Variants in ADAMTS19 observed in about 807,000 individuals in gnomAD.
ADAMTS19 encodes A disintegrin and metalloproteinase with thrombospondin motifs 19.
A neutral mutation model predicts 153.3 loss-of-function variants in ADAMTS19; 93 were observed. That is an observed-to-expected ratio of 0.61 (90% CI 0.51 to 0.72). ADAMTS19 has a LOEUF of 0.72. Among genes scored for constraint, ADAMTS19 ranks in the 30% least tolerant of loss-of-function variants. ADAMTS19 has a pLI of 0.00. For missense variants in ADAMTS19, 1,482 were observed against 1,552.1 expected, an observed-to-expected ratio of 0.95 and a Z score of 0.76; for synonymous variants, 600 against 556.6, an observed-to-expected ratio of 1.08 and a Z score of -1.10.
chr5:129,528,675 A>C lies in ADAMTS19; in HGVS notation c.1326A>C (p.Thr442=). 1 of 1,582,234 alleles carries C rather than the reference A, an allele frequency of 6.3e-7. No individual in the cohort carries two copies. The highest frequency in any genetic ancestry group is 8.6e-7 in the Non-Finnish European group (1 of 1,166,894). ...MTSVDAAILI[T]RKDFCVHKDE... is the part of the protein sequence containing the mutation. ...CAGTGGATGCAGCTATACTTATAACAAGGTAAATTTTCCAATGCCAATTAA... is the reference window on the plus strand; with the variant it reads ...CAGTGGATGCAGCTATACTTATAACCAGGTAAATTTTCCAATGCCAATTAA... The change falls in exon 6 of 23, where the codon ACA becomes ACC. Residue 442 remains threonine, a splice_region_variant and synonymous_variant. Coordinates refer to ENST00000274487, the MANE Select transcript of ADAMTS19 (RefSeq NM_133638.6).
At chr5:129,599,033 A>G (rs1199888169) in intron 8 of ADAMTS19, among the ~76,000 whole-genome samples, 2 of 152,110 alleles carry the variant, frequency 1.3e-5, no homozygotes, top group African/African-American at 4.8e-5. Flanking sequence ...ATGCTCCCAT[A>G]CAAGCTTTCA....
intron 8 of ADAMTS19, among the ~76,000 whole-genome samples, chr5:129,617,946 T>C (rs772117748): frequency 6.6e-6 from 1 of 152,014 alleles, no homozygotes; most frequent in Non-Finnish European, 1.5e-5. Context: ...ATTTCCCCAG[T>C]ATAGAGGATC....
chr5:129,641,887 A>G lies in ADAMTS19; in HGVS notation c.1799A>G (p.Lys600Arg). The change falls in exon 11 of 23, where the codon AAG (lysine) becomes AGG (arginine). Residue 600 changes from lysine to arginine, a missense_variant. This residue lies in a region of ADAMTS19 where 866 missense variants were observed against 827.7 expected (regional missense o/e 1.05). Coordinates refer to ENST00000274487, the MANE Select transcript of ADAMTS19 (RefSeq NM_133638.6). ...QHVICTGLWC[K>R]VEGEKECRTK... ...GTTATTTGCACAGGATTATGGTGCA[A>G]GGTAGAAGGTGAGAAAGAATGCAGA... is the stretch of plus-strand genomic sequence containing the variant. 1.2e-6 allele frequency: 2 copies of G among 1,602,326 alleles called. No individual in the cohort carries two copies. The highest frequency in any genetic ancestry group is 1.7e-6 in the Non-Finnish European group (2 of 1,172,984).
intron 2 of ADAMTS19, among the ~76,000 whole-genome samples, chr5:129,492,527 GTGTGTA>G (rs1172938953): frequency 2.0e-5 from 3 of 151,770 alleles, no homozygotes; most frequent in African/African-American, 7.3e-5. Flanking sequence ...GTGTGTGTGT[GTGTGTA>G]TGTGTATATA....
chr5:129,534,795 G>A (rs1752353863), intron 6 of ADAMTS19, among the ~76,000 whole-genome samples: 1 of 152,070 alleles, frequency 6.6e-6, no homozygotes, highest in Non-Finnish European at 1.5e-5. Flanking sequence ...ACGTAATCCA[G>A]CATATAAACA....
chr5:129,618,294 A>G (rs1341489731), intron 8 of ADAMTS19, among the ~76,000 whole-genome samples: 1 of 152,028 alleles, frequency 6.6e-6, no homozygotes, highest in Admixed American at 6.6e-5. Flanking sequence ...ATGTGTTGCT[A>G]CAGACTCTAT....
At chr5:129,647,214 G>GGAAAAAA (rs1753102840) in intron 11 of ADAMTS19, among the ~76,000 whole-genome samples, 1 of 102,312 alleles carries the variant, frequency 9.8e-6, no homozygotes, top group African/African-American at 3.5e-5. Context: ...AATTCTTTCA[G>GGAAAAAA]AAAAAAAAAA....
chr5:129,466,239 G>C (rs1276633590), intron 2 of ADAMTS19, among the ~76,000 whole-genome samples: 1 of 152,102 alleles, frequency 6.6e-6, no homozygotes. Flanking sequence ...AACTCAAGGA[G>C]AGCTGAGTAA....
chr5:129,470,057 T>C (rs1003239141), intron 2 of ADAMTS19, among the ~76,000 whole-genome samples: 2 of 152,242 alleles, frequency 1.3e-5, no homozygotes, highest in African/African-American at 4.8e-5. Context: ...TATATTAACC[T>C]ATGTCTTCAT....
intron 21 of ADAMTS19, among the ~76,000 whole-genome samples, chr5:129,705,843 T>C (rs947041007): frequency 6.6e-6 from 1 of 152,222 alleles, no homozygotes; most frequent in Non-Finnish European, 1.5e-5. Context: ...CCTCTTTGCA[T>C]AGATGGGTAA....
chr5:129,680,244 T>C (rs1229551498), intron 17 of ADAMTS19, among the ~76,000 whole-genome samples: 1 of 152,162 alleles, frequency 6.6e-6, no homozygotes, highest in Non-Finnish European at 1.5e-5. Flanking sequence ...GAGAGTACTA[T>C]AATATTGCAT....
At chr5:129,468,500 C>T (rs1360756837) in intron 2 of ADAMTS19, among the ~76,000 whole-genome samples, 2 of 151,882 alleles carry the variant, frequency 1.3e-5, no homozygotes, top group African/African-American at 4.8e-5. Flanking sequence ...ACTACAGGCG[C>T]GCACCACCAC....
intron 6 of ADAMTS19, among the ~76,000 whole-genome samples, chr5:129,533,885 T>C (rs1040495076): frequency 3.9e-5 from 6 of 152,182 alleles, no homozygotes; most frequent in African/African-American, 1.4e-4. Flanking sequence ...GTTGTTCAGT[T>C]TCCATGTAGT....
intron 3 of ADAMTS19, among the ~76,000 whole-genome samples, chr5:129,518,628 A>T (rs1751691226): frequency 6.6e-6 from 1 of 151,956 alleles, no homozygotes; most frequent in Admixed American, 6.6e-5. Context: ...CCTTATCCTT[A>T]ACATTTGAGA....
rs376716320 is a variant in ADAMTS19, at chr5:129,631,337, T to A, written c.1770+8989T>A. 1.7e-4 allele frequency among the ~76,000 whole-genome samples: 26 copies of A among 151,780 alleles called. No individual in the cohort carries two copies. In the East Asian group the frequency reaches 3.1e-3, roughly 18 times the overall value. Reference sequence around the variant, plus strand: ...TTGACAGAATGCATTTCCACAGTTGTCAGTGTTTCATAAATATTAATTAGG... The same window carrying A: ...TTGACAGAATGCATTTCCACAGTTGACAGTGTTTCATAAATATTAATTAGG... On this transcript the variant is annotated intron_variant, in intron 10 of 22. Transcript: ENST00000274487.
At chr5:129,568,253 C>G (rs911100131) in intron 7 of ADAMTS19, among the ~76,000 whole-genome samples, 5 of 151,952 alleles carry the variant, frequency 3.3e-5, no homozygotes, top group African/African-American at 1.2e-4. Context: ...ACTCTCAACC[C>G]CAGAATATTT....
chr5:129,480,559 C>T (rs1416670873), intron 2 of ADAMTS19, among the ~76,000 whole-genome samples: 1 of 151,826 alleles, frequency 6.6e-6, no homozygotes, highest in Non-Finnish European at 1.5e-5. Flanking sequence ...AGAAGGCAGA[C>T]AACATGAAAA....
chr5:129,551,660 GGATT>G (rs1266337911), intron 6 of ADAMTS19, among the ~76,000 whole-genome samples, 200 bp from the exon 7 acceptor site: 2 of 151,366 alleles, frequency 1.3e-5, no homozygotes, highest in African/African-American at 4.8e-5. Context: ...TAATGTCTGA[GGATT>G]AATTATATCA....
intron 10 of ADAMTS19, among the ~76,000 whole-genome samples, chr5:129,641,155 T>C (rs1752770384): frequency 6.6e-6 from 1 of 152,216 alleles, no homozygotes; most frequent in Non-Finnish European, 1.5e-5. Flanking sequence ...CTGACCACAA[T>C]TATAGCTGTC....
Sources: gnomAD v4.1 joint callset for allele counts (sites outside exome capture counted in the v4.1 genomes callset) on GRCh38, gnomAD v4.1.1 for gene constraint, gnomAD v4.1.1 regional missense constraint, MANE v1.5 for transcripts, NCBI Gene and HGNC (gene_info 2026-07-23, HGNC 2026-07-21) for gene names.